Variants in NMNAT1 observed in about 807,000 individuals in gnomAD.
The protein encoded by NMNAT1 is nicotinamide/nicotinic acid mononucleotide adenylyltransferase 1.
NMNAT1 carries 11 observed loss-of-function variants against 16.7 expected under a neutral mutation model. The ratio of observed to expected loss-of-function variants is 0.66; its 90% CI spans 0.41 to 1.09. NMNAT1 has a LOEUF of 1.09. Ranked by LOEUF, NMNAT1 falls within the 50% of genes least tolerant of loss-of-function variation. The probability of loss-of-function intolerance (pLI) is 0.00; values close to 1 mark genes in which losing one functional copy is unlikely to be tolerated. For synonymous variants in NMNAT1, 110 were observed against 119.8 expected (o/e 0.92, Z 0.53); for missense variants, 280 against 332.3 (o/e 0.84, Z 1.22).
At chr1:9,975,468 C>T (rs1002093773) in intron 2 of NMNAT1, 124 bp from the exon 3 acceptor site, 13 of 744,936 alleles carry the variant, frequency 1.7e-5, no homozygotes, top group African/African-American at 1.6e-4. Context: ...TCCAGTGCGG[C>T]CTGGGGAACA....
chr1:9,977,210 C>A (rs2101705276), intron 3 of NMNAT1, among the ~76,000 whole-genome samples: 1 of 151,838 alleles, frequency 6.6e-6, no homozygotes, highest in East Asian at 1.9e-4. Context: ...ACCTGGCTGA[C>A]ACCTAATTAT....
At chr1:9,986,737 C>T (rs184757065), downstream of NMNAT1, among the ~76,000 whole-genome samples, 5 of 151,940 alleles carry the variant, frequency 3.3e-5, no homozygotes, top group Admixed American at 2.6e-4. Flanking sequence ...CAAAAATTAG[C>T]TGGGTGTGGT....
intron 3 of NMNAT1, among the ~76,000 whole-genome samples, chr1:9,976,410 G>A (rs1249856248): frequency 6.6e-6 from 1 of 152,044 alleles, no homozygotes; most frequent in Non-Finnish European, 1.5e-5. Context: ...GCAAGAAGAT[G>A]TTATTATCAT....
At chr1:9,978,682 C>T (rs893885332) in intron 3 of NMNAT1, among the ~76,000 whole-genome samples, 2 of 152,196 alleles carry the variant, frequency 1.3e-5, no homozygotes, top group African/African-American at 4.8e-5. Context: ...TTATAGTAAC[C>T]TTATTGCCCA....
chr1:9,962,013 C>T (rs1037878025), intron 1 of NMNAT1, among the ~76,000 whole-genome samples: 1 of 152,008 alleles, frequency 6.6e-6, no homozygotes, highest in Admixed American at 6.6e-5. Flanking sequence ...GGTGATCCAC[C>T]TGCCTCGCCC....
In NMNAT1 at chr1:9,975,787, G is replaced by T. The variant is rs1391227009; in HGVS notation, c.299+12G>T. 5.6e-6 allele frequency: 9 copies of T among 1,598,802 alleles called. No homozygotes were observed. The highest frequency in any genetic ancestry group is 3.5e-5 in the Admixed American group (2 of 57,518). On this transcript the variant is annotated intron_variant, in intron 3 of 4. Coordinates refer to ENST00000377205, the MANE Select transcript of NMNAT1 (RefSeq NM_022787.4). ...CTGAAGGTGCTAAGGTATTTATGGT[G>T]TAATCAACTTTGTCAGTTCTGTGTA...
At chr1:9,949,638 T>G (rs986962146) in intron 1 of NMNAT1, 21 of 151,880 alleles carry the variant, frequency 1.4e-4, no homozygotes, top group African/African-American at 4.3e-4. Context: ...TTTTTTTTAG[T>G]GGAGACGGAG....
chr1:9,991,059 C>T, the NMNAT1 span, among the ~76,000 whole-genome samples: 5 of 151,984 alleles, frequency 3.3e-5, no homozygotes, highest in Admixed American at 6.6e-5. Flanking sequence ...CCAACCAGCA[C>T]GAAGGTTAAA....
At chr1:9,973,923 C>T (rs930078245) in intron 2 of NMNAT1, among the ~76,000 whole-genome samples, 4 of 151,070 alleles carry the variant, frequency 2.6e-5, no homozygotes, top group Admixed American at 6.6e-5. Context: ...CTGCAACCTC[C>T]ACCTCCTGGA....
At chr1:9,980,964 T>C (rs771504776) in intron 3 of NMNAT1, 67 bp from the exon 4 acceptor site, 49 of 1,523,058 alleles carry the variant, frequency 3.2e-5, no homozygotes, top group Non-Finnish European at 4.1e-5. Context: ...CTATAAATAA[T>C]GTTAATGATA....
intron 1 of NMNAT1, among the ~76,000 whole-genome samples, chr1:9,953,675 A>G (rs1220784682): frequency 1.3e-5 from 2 of 151,910 alleles, no homozygotes; most frequent in African/African-American, 4.8e-5. Context: ...TCGTGACCTC[A>G]GGTGATCCAT....
At chr1:9,957,759 G>T (rs1641300677) in intron 1 of NMNAT1, among the ~76,000 whole-genome samples, 1 of 152,130 alleles carries the variant, frequency 6.6e-6, no homozygotes, top group Non-Finnish European at 1.5e-5. Context: ...GCAGCTTCCT[G>T]TCACTCCCCC....
At chr1:9,953,943 C>G (rs564294895) in intron 1 of NMNAT1, among the ~76,000 whole-genome samples, 2 of 151,112 alleles carry the variant, frequency 1.3e-5, no homozygotes, top group East Asian at 2.0e-4. Context: ...GTAGCTGGGA[C>G]TACAGGCACG....
intron 1 of NMNAT1, among the ~76,000 whole-genome samples, chr1:9,964,374 C>CA (rs1342018537): frequency 4.0e-5 from 6 of 151,228 alleles, no homozygotes; most frequent in Admixed American, 2.6e-4. Context: ...TCCTTCTCTA[C>CA]AAAAAAATAG....
rs540246188 is a variant in NMNAT1, at chr1:9,983,246, T to C, written c.*545T>C. ...GCCGCATAACTATAATCCCAGCTAC[T>C]TGGGAGGCTGAGGCAGGAGAATCGC... On this transcript the variant is annotated 3_prime_UTR_variant, in exon 5 of 5. Transcript: ENST00000377205. The C allele has an allele frequency of 6.6e-6, 1 of 152,194 alleles. No homozygotes were observed. Among genetic ancestry groups the C allele is most frequent in the Non-Finnish European group, 1.5e-5 (1 of 68,132 alleles). The allele number at this position is 152,194 out of a possible 1,614,324, so 9.4% of individuals were successfully genotyped here.
At chr1:9,964,926 C>T (rs927749815) in intron 1 of NMNAT1, among the ~76,000 whole-genome samples, 17 of 75,668 alleles carry the variant, frequency 2.2e-4, no homozygotes, top group Admixed American at 3.3e-4. Flanking sequence ...CCAACCTGGG[C>T]GACAAAAAAA....
At chr1:9,979,747 A>G (rs546982425) in intron 3 of NMNAT1, among the ~76,000 whole-genome samples, 10 of 150,178 alleles carry the variant, frequency 6.7e-5, no homozygotes, top group African/African-American at 2.2e-4. Flanking sequence ...GGTTGCAGTG[A>G]GCTGAGATCG....
At chr1:9,980,176 C>G (rs554205429) in intron 3 of NMNAT1, among the ~76,000 whole-genome samples, 1 of 152,046 alleles carries the variant, frequency 6.6e-6, no homozygotes, top group East Asian at 2.0e-4. Flanking sequence ...AGGTGATCCA[C>G]CCGCCTTGGC....
intron 1 of NMNAT1, among the ~76,000 whole-genome samples, chr1:9,958,081 T>C (rs1303512918): frequency 6.6e-6 from 1 of 152,168 alleles, no homozygotes; most frequent in African/African-American, 2.4e-5. Flanking sequence ...CTTCACTATA[T>C]TGAGATTTTT....
Sources: allele counts gnomAD v4.1 joint callset (sites outside exome capture counted in the v4.1 genomes callset), GRCh38; gene constraint gnomAD v4.1.1; transcripts MANE v1.5; gene names NCBI Gene and HGNC (gene_info 2026-07-23, HGNC 2026-07-21).